The following TMEM44 variants were observed in gnomAD, a reference collection of about 807,000 sequenced individuals.
TMEM44 encodes transmembrane protein 44.
TMEM44 carries 43 observed loss-of-function variants against 47.8 expected under a neutral mutation model. The observed-to-expected ratio is 0.90, with a 90% confidence interval of 0.70 to 1.16. The LOEUF (loss-of-function observed/expected upper bound fraction) is 1.16, where lower values mean the gene tolerates loss of function less well. Ranked by LOEUF, TMEM44 falls within the 50% of genes most tolerant of loss-of-function variation. The pLI is 0.00. For synonymous variants in TMEM44, 277 were observed against 238.8 expected, an observed-to-expected ratio of 1.16 and a Z score of -1.48; for missense variants, 568 against 555.2, an observed-to-expected ratio of 1.02 and a Z score of -0.23.
At position 194,623,321 on chromosome 3, in the gene TMEM44, G is replaced by C. The variant is rs745714389; in HGVS notation, c.526-11C>G. 13 of 1,596,800 alleles carry C rather than the reference G, an allele frequency of 8.1e-6. No homozygotes were observed. The South Asian group carries it at 1.5e-4, about 18-fold the overall frequency. On this transcript the variant is annotated splice_polypyrimidine_tract_variant and intron_variant, in intron 4 of 9. Transcript: ENST00000347147. ...GATCTCAGTATTTTCCTGCAAGAAC[G>C]AACAGGTGATCCACCATCAGTACTC...
At chr3:194,604,040 G>T (rs1255247201) in intron 9 of TMEM44, among the ~76,000 whole-genome samples, 2 of 151,946 alleles carry the variant, frequency 1.3e-5, no homozygotes, top group African/African-American at 2.4e-5. Flanking sequence ...TTTTAGTAGA[G>T]ATAAGGTTTT....
intron 6 of TMEM44, 200 bp downstream of exon 6, chr3:194,616,895 AAAAC>A (rs769758151): frequency 4.2e-5 from 27 of 643,688 alleles, no homozygotes; most frequent in African/African-American, 1.8e-4. Context: ...ACTCCATCTC[AAAAC>A]AAACAAACAA....
chr3:194,622,301 AAC>A (rs1716631017), intron 5 of TMEM44, among the ~76,000 whole-genome samples: 2 of 152,270 alleles, frequency 1.3e-5, no homozygotes, highest in East Asian at 3.9e-4. Flanking sequence ...TGGCAGTGTA[AAC>A]AGTTTTCACC....
Position 194,625,992 on chromosome 3 carries a change from T to C in TMEM44, c.265-2A>G. 6.2e-7 allele frequency: 1 copy of C among 1,611,384 alleles called. No homozygotes were observed. Among genetic ancestry groups the C allele is most frequent in the Non-Finnish European group, 8.5e-7 (1 of 1,177,634 alleles). ...TGCTAGGTAGGCACCAGTGAAAACC[T>C]GGGAGCAAACGGGAAGAGAGTCTTG... On this transcript the variant is annotated splice_acceptor_variant, in intron 2 of 9. Transcript: ENST00000347147. LOFTEE classifies it high-confidence loss of function.
Position 194,628,468 on chromosome 3 carries a change from T to C in TMEM44, c.179A>G (p.Gln60Arg). 1.9e-6 allele frequency: 3 copies of C among 1,613,708 alleles called. No homozygotes were observed. The highest frequency in any genetic ancestry group is 2.5e-6 in the Non-Finnish European group (3 of 1,179,816). Residue 60 changes from glutamine to arginine, a missense_variant, in exon 2 of 10, where the codon CAG becomes CGG. Gln to Arg is a conservative substitution (Grantham distance 43). Coordinates refer to ENST00000347147, the MANE Select transcript of TMEM44 (RefSeq NM_001011655.3). ...LRCAQKPRQD[Q>R]SALCAACCLL... The stretch of plus-strand genomic sequence containing the variant: ...GCAGCACGCAGCACACAGTGCCGAC[T>C]GGTCCTGTCTGGGTTTCTGTGCACA...
Position 194,612,488 on chromosome 3 carries a change from G to A in TMEM44, c.913-1468C>T, listed in dbSNP as rs573940423. Among the ~76,000 whole-genome samples the A allele has an allele frequency of 1.3e-4, 19 of 151,938 alleles. No homozygotes were observed. In the East Asian group the frequency reaches 1.9e-3, roughly 15 times the overall value. On this transcript the variant is annotated intron_variant, in intron 7 of 9. Coordinates refer to ENST00000347147, the MANE Select transcript of TMEM44 (RefSeq NM_001011655.3). ...CGGAGGGGCAGTTTTTGTTTTTGTC[G>A]GTCCAAATGCACTCCCCATCACTTC... is the stretch of plus-strand genomic sequence containing the variant.
intron 9 of TMEM44, among the ~76,000 whole-genome samples, chr3:194,590,592 C>T (rs573598914): frequency 3.9e-5 from 6 of 152,160 alleles, no homozygotes; most frequent in Admixed American, 2.6e-4. Context: ...TTGATGAAAA[C>T]GGTTTCTAAG....
intron 5 of TMEM44, among the ~76,000 whole-genome samples, chr3:194,618,967 G>A (rs1577207687): frequency 6.6e-6 from 1 of 152,332 alleles, no homozygotes; most frequent in Non-Finnish European, 1.5e-5. Flanking sequence ...GAGGCTGAGG[G>A]TGGAGACGAC....
intron 5 of TMEM44, among the ~76,000 whole-genome samples, chr3:194,622,333 T>C (rs1024362258): frequency 4.6e-5 from 7 of 152,324 alleles, no homozygotes; most frequent in African/African-American, 1.7e-4. Flanking sequence ...TTGAAGAGCG[T>C]AGGAGCCTTC....
At chr3:194,628,992 C>T (rs578112146) in intron 1 of TMEM44, among the ~76,000 whole-genome samples, 7 of 152,144 alleles carry the variant, frequency 4.6e-5, no homozygotes, top group East Asian at 3.9e-4. Context: ...GGTGAAACCC[C>T]GCCCCTACTA....
At chr3:194,593,777 G>A (rs1713040890) in intron 9 of TMEM44, among the ~76,000 whole-genome samples, 1 of 152,048 alleles carries the variant, frequency 6.6e-6, no homozygotes, top group Non-Finnish European at 1.5e-5. Flanking sequence ...ACAAAAGCAT[G>A]TTCAACTCCT....
Position 194,588,556 on chromosome 3 carries a change from C to T in TMEM44, c.1260G>A (p.Arg420=), listed in dbSNP as rs1305458128. ...AATCATCATCACTCAGGTGTGCTGT[C>T]CTCACAGAGTCCTGGTGCACCTGGG... ...LGSQVHQDSV[R]TAHLSDDD is the part of the protein sequence containing the mutation. The change falls in exon 10 of 10, where the codon AGG becomes AGA. Residue 420 remains arginine, a synonymous_variant. Transcript: ENST00000347147. The T allele has an allele frequency of 1.2e-6, 2 of 1,614,192 alleles. No homozygotes were observed. The highest frequency in any genetic ancestry group is 1.7e-6 in the Non-Finnish European group (2 of 1,180,030).
rs1430036948 is a variant in TMEM44 at position 194,611,707 on chromosome 3, G to A, written c.913-687C>T. 1.3e-5 allele frequency among the ~76,000 whole-genome samples: 2 copies of A among 152,118 alleles called. No individual in the cohort carries two copies. Among genetic ancestry groups the A allele is most frequent in the South Asian group, 2.1e-4 (1 of 4,830 alleles). ...TCTCTAACCTTGATGCACATCAGAA[G>A]CACCCTGTGGGTTTTGCTAAAATAC... On this transcript the variant is annotated intron_variant, in intron 7 of 9. Coordinates refer to ENST00000347147, the MANE Select transcript of TMEM44 (RefSeq NM_001011655.3). This position sits in a 1 kb window ranked among gnomAD's most constrained non-coding sequence, Gnocchi z 4.2.
intron 5 of TMEM44, 72 bp downstream of exon 5, chr3:194,623,152 C>T (rs1716746730): frequency 2.1e-6 from 3 of 1,436,046 alleles, no homozygotes; most frequent in Non-Finnish European, 2.8e-6. Flanking sequence ...GCCCCATGAC[C>T]CTCTCAGGAT....
intron 3 of TMEM44, among the ~76,000 whole-genome samples, chr3:194,624,864 C>T (rs12637038): frequency 0.11 from 16,665 of 152,056 alleles, 1,352 homozygotes; most frequent in East Asian, 0.29. Flanking sequence ...TAGGTGCATG[C>T]CACCACATCC....
Position 194,615,556 on chromosome 3 carries a change from C to T in TMEM44, c.912+13G>A. On this transcript the variant is annotated intron_variant, in intron 7 of 9. Transcript: ENST00000347147. ...AGTTTTCCAGCCAGAGAGACCTTGT[C>T]CTCGTTCCTCACCTCCTGGTTTTCT... 6.2e-7 allele frequency: 1 copy of T among 1,613,302 alleles called. No individual in the cohort carries two copies. Among genetic ancestry groups the T allele is most frequent in the East Asian group, 2.2e-5 (1 of 44,852 alleles).
At chr3:194,610,343 T>C (rs1370496107) in intron 8 of TMEM44, among the ~76,000 whole-genome samples, 1 of 152,180 alleles carries the variant, frequency 6.6e-6, no homozygotes, top group Non-Finnish European at 1.5e-5. Flanking sequence ...TATGCCTCTT[T>C]AGCATATGGA....
rs529908485 is a variant in TMEM44 at position 194,604,282 on chromosome 3, T to C, written c.1176+5A>G. On this transcript the variant is annotated splice_donor_5th_base_variant and intron_variant, in intron 9 of 9. Transcript: ENST00000347147. The stretch of plus-strand genomic sequence containing the variant: ...GCACCCGCCCAGCAGGCAACAGCCG[T>C]GTACCTCCAGGTCGGAGTTGATGGA... 35 of 1,576,324 alleles carry C rather than the reference T, an allele frequency of 2.2e-5. No individual in the cohort carries two copies. The highest frequency in any genetic ancestry group is 7.0e-5 in the South Asian group (6 of 85,738).
At chr3:194,617,418 G>A (rs565709545) in intron 5 of TMEM44, 149 bp from the exon 6 acceptor site, 62 of 960,008 alleles carry the variant, frequency 6.5e-5, no homozygotes, top group South Asian at 1.1e-4. Flanking sequence ...GCTTTTGCTC[G>A]AGTTGCTTCT....
Sources: allele counts gnomAD v4.1 joint callset (sites outside exome capture counted in the v4.1 genomes callset), GRCh38; gene constraint gnomAD v4.1.1; non-coding constraint Gnocchi (gnomAD v3.1); transcripts MANE v1.5; gene names NCBI Gene and HGNC (gene_info 2026-07-23, HGNC 2026-07-21).